The following EHF variants were observed in gnomAD, a reference collection of about 807,000 sequenced individuals.
The protein encoded by EHF is ESE3 transcription factor.
In EHF, 14 loss-of-function variants were observed where a neutral mutation model predicts 45.1. That is an observed-to-expected ratio of 0.31 (90% CI 0.21 to 0.49). EHF has a LOEUF of 0.49. EHF is among the 20% of genes least tolerant of loss of function. The probability of loss-of-function intolerance (pLI) is 0.99; values close to 1 mark genes in which losing one functional copy is unlikely to be tolerated. For missense variants in EHF, 282 were observed against 371.4 expected (o/e 0.76, Z 1.98); for synonymous variants, 136 against 131.8 (o/e 1.03, Z -0.22).
intron 6 of EHF, among the ~76,000 whole-genome samples, chr11:34,656,678 C>G (rs1855703647): frequency 6.6e-6 from 1 of 152,154 alleles, no homozygotes; most frequent in Admixed American, 6.5e-5. Context: ...CACCTTGTAT[C>G]AAATTGCAAA....
chr11:34,641,347 A>G (rs1292760645), intron 1 of EHF, among the ~76,000 whole-genome samples: 1 of 152,146 alleles, frequency 6.6e-6, no homozygotes, highest in Admixed American at 6.5e-5. Context: ...GGGCTGATAA[A>G]TATTTGTTGA....
intron 3 of EHF, among the ~76,000 whole-genome samples, chr11:34,648,528 C>T (rs1854808905): frequency 6.6e-6 from 1 of 152,106 alleles, no homozygotes; most frequent in African/African-American, 2.4e-5. Flanking sequence ...ATCATGATGG[C>T]ATTGATTAGA....
At chr11:34,640,224 G>C (rs1309559219) in intron 1 of EHF, among the ~76,000 whole-genome samples, 4 of 152,114 alleles carry the variant, frequency 2.6e-5, no homozygotes, top group African/African-American at 9.7e-5. Flanking sequence ...CATCTCTCCA[G>C]CTCCAAAGCC....
intron 4 of EHF, among the ~76,000 whole-genome samples, chr11:34,650,610 C>T (rs2134175195): frequency 6.6e-6 from 1 of 152,330 alleles, no homozygotes; most frequent in South Asian, 2.1e-4. Context: ...TAACCTAGGT[C>T]TGCGGTGAGG....
intron 4 of EHF, among the ~76,000 whole-genome samples, chr11:34,649,328 T>C (rs1274054683): frequency 6.6e-6 from 1 of 152,130 alleles, no homozygotes; most frequent in East Asian, 1.9e-4. Context: ...CTACTCCTGG[T>C]TGTGGCATCA....
At chr11:34,634,974 G>T (rs1205513320) in intron 1 of EHF, among the ~76,000 whole-genome samples, 2 of 152,160 alleles carry the variant, frequency 1.3e-5, no homozygotes, top group East Asian at 3.9e-4. Flanking sequence ...TTTCTAAACT[G>T]TGTGACCTTG....
At chr11:34,626,782 G>A (rs2133979845) in intron 1 of EHF, among the ~76,000 whole-genome samples, 1 of 152,338 alleles carries the variant, frequency 6.6e-6, no homozygotes, top group Non-Finnish European at 1.5e-5. Context: ...GGAAGCTGCT[G>A]AGATGTGGTG....
At chr11:34,656,764 T>G in intron 6 of EHF, 144 bp from the exon 7 acceptor site, 2 of 793,336 alleles carry the variant, frequency 2.5e-6, no homozygotes, top group Non-Finnish European at 3.9e-6. Context: ...TCATCTCTGT[T>G]TTGTTTGGTT....
In EHF at chr11:34,637,354, C is replaced by G. The variant is rs1332558838; in HGVS notation, c.-3-5274C>G. On this transcript the variant is annotated intron_variant, in intron 1 of 8. Coordinates refer to ENST00000257831, the MANE Select transcript of EHF (RefSeq NM_012153.6). The stretch of plus-strand genomic sequence containing the variant: ...GCAGGCGCATGGGGCTGGGATGTGT[C>G]TCTGTGTGGCTGGCACAGAAGCAGT... Among the ~76,000 whole-genome samples the G allele has an allele frequency of 2.0e-5, 3 of 152,196 alleles. 1 individual carries two copies. The South Asian group carries it at 6.2e-4, about 32-fold the overall frequency.
At chr11:34,638,231 G>A (rs768140184) in intron 1 of EHF, among the ~76,000 whole-genome samples, 4 of 152,158 alleles carry the variant, frequency 2.6e-5, no homozygotes, top group African/African-American at 9.7e-5. Context: ...TGAAATAAGA[G>A]GTATAGTTTT....
chr11:34,658,906 G>T lies in EHF; in HGVS notation c.878G>T (p.Arg293Leu), dbSNP rs760123736. The change falls in exon 9 of 9, where the codon CGA becomes CTA. Residue 293 changes from arginine to leucine, a missense_variant. Physicochemically the swap from Arg to Leu is moderately radical, Grantham distance 102. Transcript: ENST00000257831. ...RLVYKFGKNA[R>L]GWRENEN ...GTATATAAATTTGGGAAGAATGCCC[G>T]AGGATGGAGAGAAAATGAAAACTGA... 5.6e-6 allele frequency: 9 copies of T among 1,612,974 alleles called. No homozygotes were observed. The highest frequency in any genetic ancestry group is 6.8e-6 in the Non-Finnish European group (8 of 1,179,578).
At chr11:34,625,155 C>T (rs1036165879) in intron 1 of EHF, among the ~76,000 whole-genome samples, 1 of 152,054 alleles carries the variant, frequency 6.6e-6, no homozygotes, top group Non-Finnish European at 1.5e-5. Flanking sequence ...TCTTTAGGGC[C>T]TTCAGAATTT....
At chr11:34,644,226 CTTG>C (rs966325637) in intron 2 of EHF, among the ~76,000 whole-genome samples, 1 of 152,132 alleles carries the variant, frequency 6.6e-6, no homozygotes, top group Admixed American at 6.6e-5. Context: ...GTTGGTGCCT[CTTG>C]TTGTCAAAAC....
At chr11:34,629,365 G>A (rs1377496) in intron 1 of EHF, among the ~76,000 whole-genome samples, 12,901 of 152,144 alleles carry the variant, frequency 0.085, 1,193 homozygotes, top group African/African-American at 0.22. Context: ...ACAGAATAAA[G>A]TCTGTTCTGG....
intron 3 of EHF, among the ~76,000 whole-genome samples, chr11:34,648,059 G>A (rs965021863): frequency 7.2e-5 from 11 of 152,130 alleles, no homozygotes; most frequent in African/African-American, 2.2e-4. Context: ...TGGTCTCATC[G>A]CATGCTGCTG....
At chr11:34,642,512 T>C (rs536235269) in intron 1 of EHF, 116 bp from the exon 2 acceptor site, 73 of 656,012 alleles carry the variant, frequency 1.1e-4, no homozygotes, top group Non-Finnish European at 1.7e-4. Context: ...TGGCAGGCAA[T>C]GGGTGGAAGG....
chr11:34,639,302 TA>T (rs1853755826), intron 1 of EHF, among the ~76,000 whole-genome samples: 1 of 152,186 alleles, frequency 6.6e-6, no homozygotes, highest in Non-Finnish European at 1.5e-5. Flanking sequence ...GAGCATTCAA[TA>T]ATTCCCCTAC....
At chr11:34,648,981 C>T (rs1035718617) in intron 3 of EHF, 38 bp from the exon 4 acceptor site, 33 of 1,599,366 alleles carry the variant, frequency 2.1e-5, no homozygotes, top group Non-Finnish European at 2.7e-5. Context: ...CTGGCTCCAT[C>T]TGGGCCCTCT....
rs1018142172 is a variant in EHF at position 34,621,142 on chromosome 11, T to C, written c.-90T>C. The C allele has an allele frequency of 1.3e-5, 2 of 152,234 alleles. No homozygotes were observed. The highest frequency in any genetic ancestry group is 2.9e-5 in the Non-Finnish European group (2 of 68,054). The allele number at this position is 152,234 out of a possible 1,614,324, so 9.4% of individuals were successfully genotyped here. ...TAACACCCGTGGTGCCCCATCCCTA[T>C]AGGAGCTGGTGAGATTGCAGCCTGC... On this transcript the variant is annotated 5_prime_UTR_variant, in exon 1 of 9. Coordinates refer to ENST00000257831, the MANE Select transcript of EHF (RefSeq NM_012153.6).
Sources: gnomAD v4.1 joint callset for allele counts (sites outside exome capture counted in the v4.1 genomes callset) on GRCh38, gnomAD v4.1.1 for gene constraint, MANE v1.5 for transcripts, NCBI Gene and HGNC (gene_info 2026-07-23, HGNC 2026-07-21) for gene names.